Variants in PCNX1 observed in about 807,000 individuals in gnomAD.
The protein encoded by PCNX1 is pecanex 1.
A neutral mutation model predicts 242.2 loss-of-function variants in PCNX1; 78 were observed. The ratio of observed to expected loss-of-function variants is 0.32; its 90% CI spans 0.27 to 0.39. The LOEUF (loss-of-function observed/expected upper bound fraction) is 0.39. Among genes scored for constraint, PCNX1 ranks in the 10% least tolerant of loss-of-function variants. The pLI is 1.00. For missense variants in PCNX1, 2,581 were observed against 2,856.5 expected, an observed-to-expected ratio of 0.90 and a Z score of 2.20; for synonymous variants, 1,024 against 1,032.9, an observed-to-expected ratio of 0.99 and a Z score of 0.17.
At chr14:71,052,074 C>T (rs1221622473) in intron 24 of PCNX1, 62 bp downstream of exon 24, 2 of 1,213,356 alleles carry the variant, frequency 1.6e-6, no homozygotes, top group East Asian at 4.8e-5. Context: ...AAACTATTGA[C>T]AGCATTATTA....
chr14:71,000,293 T>G (rs978612223), intron 8 of PCNX1, among the ~76,000 whole-genome samples: 3 of 152,146 alleles, frequency 2.0e-5, no homozygotes, highest in Non-Finnish European at 4.4e-5. Context: ...TGACAAATAC[T>G]GGAAAATACC....
rs2062753924 is a variant in PCNX1 at position 71,111,561 on chromosome 14, T to C, written c.*1626T>C. 6.6e-6 allele frequency: 1 copy of C among 152,202 alleles called. No homozygotes were observed. The highest frequency in any genetic ancestry group is 1.5e-5 in the Non-Finnish European group (1 of 68,000). The allele number at this position is 152,202 out of a possible 1,614,324, so 9.4% of individuals were successfully genotyped here. The stretch of plus-strand genomic sequence containing the variant: ...CAGTACAGATTTAAAGTATCTTTTG[T>C]TGAGGTGACAGAAGAGAGAAGCTGT... On this transcript the variant is annotated 3_prime_UTR_variant, in exon 36 of 36. Transcript: ENST00000304743.
intron 2 of PCNX1, among the ~76,000 whole-genome samples, chr14:70,949,213 GTATA>G (rs1380522793): frequency 1.6e-5 from 2 of 128,366 alleles, no homozygotes; most frequent in Non-Finnish European, 3.3e-5. Flanking sequence ...ATATACACAT[GTATA>G]TATAGATATA....
At chr14:71,043,489 C>G (rs1318017741) in intron 19 of PCNX1, among the ~76,000 whole-genome samples, 3 of 151,658 alleles carry the variant, frequency 2.0e-5, no homozygotes, top group Admixed American at 6.6e-5. Context: ...CTCCCTCCTT[C>G]CCTCTCTCCC....
At chr14:70,963,085 C>A (rs1403631105) in intron 3 of PCNX1, among the ~76,000 whole-genome samples, 1 of 152,152 alleles carries the variant, frequency 6.6e-6, no homozygotes, top group Non-Finnish European at 1.5e-5. Flanking sequence ...CTGGACTAGA[C>A]CGCACTTCTC....
intron 6 of PCNX1, among the ~76,000 whole-genome samples, chr14:70,985,460 C>T (rs1213962016): frequency 6.6e-6 from 1 of 152,036 alleles, no homozygotes; most frequent in Non-Finnish European, 1.5e-5. Flanking sequence ...GTGATCCACC[C>T]ACCTCGGCCT....
chr14:70,933,865 AAC>A (rs1182116339), intron 1 of PCNX1, among the ~76,000 whole-genome samples: 1 of 152,224 alleles, frequency 6.6e-6, no homozygotes, highest in Non-Finnish European at 1.5e-5. Flanking sequence ...ATCACTTTGT[AAC>A]ATAGACTGGA....
chr14:71,057,869 G>C (rs2061225596), intron 26 of PCNX1, 145 bp downstream of exon 26: 2 of 648,898 alleles, frequency 3.1e-6, no homozygotes, highest in South Asian at 1.9e-5. Flanking sequence ...GTAAGTATTA[G>C]ATTTTTTCAC....
chr14:71,093,797 A>G (rs1446041453), intron 30 of PCNX1: 1 of 152,244 alleles, frequency 6.6e-6, no homozygotes, highest in Non-Finnish European at 1.5e-5. Context: ...CAAATGTGAG[A>G]TGACAAAGAT....
At chr14:71,079,454 C>T (rs1307405402) in intron 28 of PCNX1, among the ~76,000 whole-genome samples, 2 of 152,188 alleles carry the variant, frequency 1.3e-5, no homozygotes, top group African/African-American at 4.8e-5. Flanking sequence ...AATTTACACT[C>T]CTACCAACAG....
At chr14:70,908,118 C>G (rs1361290415) in intron 1 of PCNX1, 115 bp downstream of exon 1, 1 of 1,017,676 alleles carries the variant, frequency 9.8e-7, no homozygotes, top group East Asian at 3.2e-5. Flanking sequence ...CCGCCACCCT[C>G]TCGGTGTGAG....
Position 70,995,858 on chromosome 14 carries a change from T to C in PCNX1, c.2562T>C (p.Ser854=). ...ASASLLVRNG[S]VHLEASHDNA... is the part of the protein sequence containing the mutation. ...CCTCCTTGCTGGTGAGAAATGGGAG[T>C]GTCCACTTAGAAGCATCACATGACA... is the stretch of plus-strand genomic sequence containing the variant. The change falls in exon 8 of 36, where the codon AGT becomes AGC. Residue 854 remains serine, a synonymous_variant. Coordinates refer to ENST00000304743, the MANE Select transcript of PCNX1 (RefSeq NM_014982.3). 1 of 1,613,842 alleles carries C rather than the reference T, an allele frequency of 6.2e-7. No individual in the cohort carries two copies. Among genetic ancestry groups the C allele is most frequent in the Non-Finnish European group, 8.5e-7 (1 of 1,179,900 alleles).
intron 1 of PCNX1, chr14:70,942,878 C>T (rs967058209): frequency 2.0e-5 from 3 of 152,202 alleles, no homozygotes; most frequent in Non-Finnish European, 4.4e-5. Flanking sequence ...TGCAGGACCA[C>T]GTGGAGATAA....
intron 26 of PCNX1, among the ~76,000 whole-genome samples, chr14:71,068,367 C>T (rs956156214): frequency 1.3e-5 from 2 of 149,992 alleles, no homozygotes; most frequent in African/African-American, 4.9e-5. Flanking sequence ...TGTATACATA[C>T]ATGTATACAT....
Position 71,031,856 on chromosome 14 carries a change from A to G in PCNX1, c.3559-1573A>G, listed in dbSNP as rs954103260. 1.2e-5 allele frequency: 18 copies of G among 1,466,398 alleles called. No homozygotes were observed. The East Asian group carries it at 3.2e-4, about 26-fold the overall frequency. The allele number at this position is 1,466,398 out of a possible 1,614,324, so 90.8% of individuals were successfully genotyped here. A position where few individuals can be genotyped will look rare whatever the true frequency, so the allele number is the denominator to read the frequency against. On this transcript the variant is annotated intron_variant, in intron 16 of 35. Coordinates refer to ENST00000304743, the MANE Select transcript of PCNX1 (RefSeq NM_014982.3). ...GCATCGTCTGGCTTCAGGTAGACAC[A>G]CTGTTTCAGCACTTTCACAGCACGA...
chr14:70,969,331 A>G, intron 5 of PCNX1: 2 of 444,366 alleles, frequency 4.5e-6, no homozygotes, highest in Non-Finnish European at 4.1e-6. Flanking sequence ...AAACATGGAG[A>G]GAGAAATTCT....
intron 11 of PCNX1, among the ~76,000 whole-genome samples, chr14:71,016,954 A>G (rs1345977961): frequency 1.3e-5 from 2 of 152,198 alleles, no homozygotes; most frequent in African/African-American, 4.8e-5. Context: ...AATTGATACA[A>G]ATAGCTAAAG....
At chr14:70,993,592 T>G (rs1177395756) in intron 7 of PCNX1, among the ~76,000 whole-genome samples, 1 of 152,220 alleles carries the variant, frequency 6.6e-6, no homozygotes, top group Admixed American at 6.5e-5. Flanking sequence ...GGATATACAT[T>G]GTGCATCTCT....
chr14:70,946,080 G>A (rs552353116), intron 1 of PCNX1, among the ~76,000 whole-genome samples: 1 of 152,324 alleles, frequency 6.6e-6, no homozygotes, highest in East Asian at 1.9e-4. Flanking sequence ...CCTGTGTGAT[G>A]GGCCTTCAGC....
Sources: gnomAD v4.1 joint callset for allele counts (sites outside exome capture counted in the v4.1 genomes callset) on GRCh38, gnomAD v4.1.1 for gene constraint, MANE v1.5 for transcripts, NCBI Gene and HGNC (gene_info 2026-07-23, HGNC 2026-07-21) for gene names.